The following PRKCZ variants were observed in gnomAD, a reference collection of about 807,000 sequenced individuals.
PRKCZ encodes the protein protein kinase C zeta type.
Under a neutral mutation model 79.5 loss-of-function variants are expected in PRKCZ, and 33 were observed. The ratio of observed to expected loss-of-function variants is 0.41; its 90% CI spans 0.31 to 0.55. The LOEUF (loss-of-function observed/expected upper bound fraction) is 0.55. Ranked by LOEUF, PRKCZ falls within the 20% of genes least tolerant of loss-of-function variation. The probability of loss-of-function intolerance (pLI) is 0.19; values close to 1 mark genes in which losing one functional copy is unlikely to be tolerated. For synonymous variants in PRKCZ, 342 were observed against 320.9 expected (o/e 1.07, Z -0.70); for missense variants, 578 against 813.5 (o/e 0.71, Z 3.52).
chr1:2,075,248 G>A lies in PRKCZ; in HGVS notation c.334+15657G>A, dbSNP rs901490637. 2.0e-5 allele frequency: 3 copies of A among 152,370 alleles called. No homozygotes were observed. Among genetic ancestry groups the A allele is most frequent in the Non-Finnish European group, 2.9e-5 (2 of 68,066 alleles). The allele number at this position is 152,370 out of a possible 1,614,324, so 9.4% of individuals were successfully genotyped here. Reference sequence around the variant, plus strand: ...CTGGGACGGCTTGGCCTCTGCTTTCGTGTGAGCCCACGCTGGCCATGCACA... The same window carrying A: ...CTGGGACGGCTTGGCCTCTGCTTTCATGTGAGCCCACGCTGGCCATGCACA... On this transcript the variant is annotated intron_variant, in intron 4 of 17. Transcript: ENST00000378567. The surrounding 1 kb of genome is among the most constrained non-coding windows in gnomAD (Gnocchi z 4.8).
intron 9 of PRKCZ, among the ~76,000 whole-genome samples, chr1:2,152,990 G>T (rs1680201856): frequency 6.6e-6 from 1 of 152,242 alleles, no homozygotes; most frequent in African/African-American, 2.4e-5. Flanking sequence ...CAGTTCTTTT[G>T]AGTGCAAACC....
intron 3 of PRKCZ, among the ~76,000 whole-genome samples, chr1:2,058,587 A>G (rs1278756687): frequency 2.6e-5 from 4 of 152,090 alleles, no homozygotes; most frequent in Admixed American, 2.0e-4. Flanking sequence ...AAAAATTCAC[A>G]TTGTTTTCTA....
chr1:2,102,610 G>C (rs573812876), intron 4 of PRKCZ, among the ~76,000 whole-genome samples: 1 of 152,176 alleles, frequency 6.6e-6, no homozygotes, highest in South Asian at 2.1e-4. Context: ...AGGATTACAG[G>C]TGTGAGCCAC....
At chr1:2,090,954 C>T (rs536028985) in intron 4 of PRKCZ, among the ~76,000 whole-genome samples, 1 of 152,212 alleles carries the variant, frequency 6.6e-6, no homozygotes, top group Non-Finnish European at 1.5e-5. Flanking sequence ...TCTTAAATAT[C>T]ATCTTTTCAA....
chr1:2,116,744 G>T (rs989117264), intron 4 of PRKCZ, among the ~76,000 whole-genome samples: 5 of 152,124 alleles, frequency 3.3e-5, no homozygotes, highest in African/African-American at 1.2e-4. Flanking sequence ...AGTTTTCAAG[G>T]TTATCTTGGT....
intron 9 of PRKCZ, 143 bp downstream of exon 9, chr1:2,151,121 G>T: frequency 2.9e-6 from 3 of 1,051,554 alleles, no homozygotes; most frequent in Admixed American, 5.4e-5. Context: ...GTCATGCATC[G>T]TGTAATGACC....
intron 4 of PRKCZ, among the ~76,000 whole-genome samples, chr1:2,076,373 C>G (rs1421429277): frequency 1.3e-5 from 2 of 152,204 alleles, no homozygotes; most frequent in African/African-American, 4.8e-5. Flanking sequence ...CTGAGGCATC[C>G]CCATCTCCCA....
intron 4 of PRKCZ, among the ~76,000 whole-genome samples, chr1:2,121,685 CACGGTGGTGG>C (rs1672045826): frequency 8.0e-5 from 5 of 62,404 alleles, no homozygotes; most frequent in African/African-American, 2.9e-4. Context: ...TGGTTAGGGT[CACGGTGGTGG>C]TTAGGGTCAC....
intron 1 of PRKCZ, chr1:2,051,049 C>T (rs1055705009): frequency 9.1e-6 from 2 of 220,760 alleles, no homozygotes; most frequent in Non-Finnish European, 1.8e-5. Flanking sequence ...TGTGAAAACT[C>T]CTGGCGGGTT....
intron 4 of PRKCZ, among the ~76,000 whole-genome samples, chr1:2,079,663 G>A (rs1043085818): frequency 6.6e-6 from 1 of 152,252 alleles, no homozygotes; most frequent in Non-Finnish European, 1.5e-5. Context: ...GCTGATGGCG[G>A]CACATGGTGG....
chr1:2,112,194 C>CA (rs1375434278), intron 4 of PRKCZ, among the ~76,000 whole-genome samples: 3 of 152,032 alleles, frequency 2.0e-5, no homozygotes, highest in African/African-American at 7.2e-5. Flanking sequence ...GCCTAGAAGG[C>CA]AAAAAACAGG....
chr1:2,074,227 G>A (rs999091372), intron 4 of PRKCZ: 1 of 1,550,410 alleles, frequency 6.4e-7, no homozygotes, highest in Non-Finnish European at 8.7e-7. Context: ...GGGACCTTCT[G>A]AGCGAGGCAG....
In PRKCZ at chr1:2,172,846, G is replaced by A. The variant is rs369501105; in HGVS notation, c.1285+458G>A. On this transcript the variant is annotated intron_variant, in intron 13 of 17. Coordinates refer to ENST00000378567, the MANE Select transcript of PRKCZ (RefSeq NM_002744.6). This position sits in a 1 kb window ranked among gnomAD's most constrained non-coding sequence, Gnocchi z 7.8. ...CCTCTCCCCTCTCTGGGCGTGAAACGGGGACATGGGCACGCGTGTGCAGCC... is the reference window on the plus strand; with the variant it reads ...CCTCTCCCCTCTCTGGGCGTGAAACAGGGACATGGGCACGCGTGTGCAGCC... 2.0e-5 allele frequency among the ~76,000 whole-genome samples: 3 copies of A among 152,346 alleles called. No homozygotes were observed. Among genetic ancestry groups the A allele is most frequent in the Admixed American group, 6.5e-5 (1 of 15,302 alleles).
At chr1:2,162,741 C>A (rs1281081926) in intron 10 of PRKCZ, among the ~76,000 whole-genome samples, 4 of 152,200 alleles carry the variant, frequency 2.6e-5, no homozygotes. Flanking sequence ...AGCCACGGTG[C>A]CTGGCCACTT....
chr1:2,137,105 C>G (rs1331843312), intron 5 of PRKCZ, among the ~76,000 whole-genome samples: 1 of 152,214 alleles, frequency 6.6e-6, no homozygotes, highest in East Asian at 1.9e-4. Flanking sequence ...CCTTCAGCCT[C>G]TGCCAGAGGC....
At chr1:2,073,599 G>A (rs1661831308) in intron 4 of PRKCZ, 4 of 987,290 alleles carry the variant, frequency 4.1e-6, no homozygotes, top group Non-Finnish European at 2.4e-6. Flanking sequence ...ATGCAGAGAT[G>A]CTTGTTTTCC....
chr1:2,114,480 G>T (rs1178080119), intron 4 of PRKCZ, among the ~76,000 whole-genome samples: 1 of 152,190 alleles, frequency 6.6e-6, no homozygotes, highest in East Asian at 1.9e-4. Flanking sequence ...ATAAGCTGAA[G>T]AAAAAGATAA....
rs1344850709 is a variant in PRKCZ, at chr1:2,095,836, TCTC to T, written c.334+36249_334+36251del. On this transcript the variant is annotated intron_variant, in intron 4 of 17. Coordinates refer to ENST00000378567, the MANE Select transcript of PRKCZ (RefSeq NM_002744.6). The stretch of plus-strand genomic sequence containing the variant: ...TCCCCTCCTGTCCCTTCCCCTCCCT[TCTC>T]CTCTTTTCCCCTCCCTTCCCCTCCC... 6.4e-5 allele frequency among the ~76,000 whole-genome samples: 7 copies of T among 109,352 alleles called. No individual in the cohort carries two copies. In the East Asian group the frequency reaches 9.3e-4, roughly 15 times the overall value. 71.7% of individuals were successfully genotyped at this position (109,352 alleles called of 152,430 possible).
At position 2,139,050 on chromosome 1, in the gene PRKCZ, C is replaced by CA. The variant is rs1475356379; in HGVS notation, c.420+3709dup. ...ATTTTTTCAGTTTCCAAATTAAATG[C>CA]AAAAAACATACAGGAAAGGGGTTTG... On this transcript the variant is annotated intron_variant, in intron 5 of 17. Transcript: ENST00000378567. Among the ~76,000 whole-genome samples, 4 of 151,992 alleles carry CA rather than the reference C, an allele frequency of 2.6e-5. No individual in the cohort carries two copies. The East Asian group carries it at 7.7e-4, about 29-fold the overall frequency.
Sources: allele counts gnomAD v4.1 joint callset (sites outside exome capture counted in the v4.1 genomes callset), GRCh38; gene constraint gnomAD v4.1.1; non-coding constraint Gnocchi (gnomAD v3.1); transcripts MANE v1.5; gene names NCBI Gene and HGNC (gene_info 2026-07-23, HGNC 2026-07-21).